PARD3: variants seen among roughly 807,000 people sequenced by gnomAD.
The protein encoded by PARD3 is partitioning defective 3 homolog.
In PARD3, 75 loss-of-function variants were observed where a neutral mutation model predicts 155.4. The observed-to-expected ratio is 0.48, with a 90% CI of 0.40 to 0.58. PARD3 has a LOEUF of 0.58. PARD3 is among the 20% of genes least tolerant of loss of function. The pLI is 0.00. For missense variants in PARD3, 1,642 were observed against 1,721.7 expected, an observed-to-expected ratio of 0.95 and a Z score of 0.82; for synonymous variants, 576 against 610.5, an observed-to-expected ratio of 0.94 and a Z score of 0.83.
intron 22 of PARD3, among the ~76,000 whole-genome samples, chr10:34,147,110 T>C (rs111454472): frequency 0.031 from 4,647 of 152,112 alleles, 216 homozygotes; most frequent in African/African-American, 0.1. Flanking sequence ...AAAAAAAACT[T>C]TTGAGATTTT....
chr10:34,196,218 A>T, intron 22 of PARD3, among the ~76,000 whole-genome samples: 1 of 152,198 alleles, frequency 6.6e-6, no homozygotes, highest in Non-Finnish European at 1.5e-5. Context: ...TGTGCTCTGC[A>T]GGGTTACGTG....
intron 2 of PARD3, among the ~76,000 whole-genome samples, chr10:34,621,172 T>G (rs1254178471): frequency 6.6e-6 from 1 of 152,156 alleles, no homozygotes; most frequent in Admixed American, 6.5e-5. Context: ...TTCCACTTTT[T>G]TTGTTGTTTG....
At chr10:34,746,254 C>A (rs1258261635) in intron 1 of PARD3, among the ~76,000 whole-genome samples, 1 of 151,464 alleles carries the variant, frequency 6.6e-6, no homozygotes, top group Non-Finnish European at 1.5e-5. Context: ...AACAGCCTGG[C>A]CAACAAAGTG....
chr10:34,627,251 C>T (rs1379368127), intron 2 of PARD3, among the ~76,000 whole-genome samples: 1 of 152,132 alleles, frequency 6.6e-6, no homozygotes, highest in East Asian at 1.9e-4. Context: ...CAGGCTTGAA[C>T]TCCTGAGCTC....
In PARD3 at chr10:34,124,624, G is replaced by A. The variant is rs558666001; in HGVS notation, c.3541-4884C>T. Among the ~76,000 whole-genome samples the A allele has an allele frequency of 1.6e-3, 245 of 152,232 alleles. 1 individual carries two copies. The highest frequency in any genetic ancestry group is 2.5e-3 in the Non-Finnish European group (171 of 68,020). On this transcript the variant is annotated intron_variant, in intron 23 of 24. Transcript: ENST00000374788. Reference sequence around the variant, plus strand: ...TGTAACTATTGACTGAACTCTTGTGGGTCTTGAATGTTGAAAAGCTTAATT... The same window carrying A: ...TGTAACTATTGACTGAACTCTTGTGAGTCTTGAATGTTGAAAAGCTTAATT...
chr10:34,219,495 CTGGTGATTTTCTATGCAA>C (rs1268924478), intron 22 of PARD3, among the ~76,000 whole-genome samples: 1 of 152,170 alleles, frequency 6.6e-6, no homozygotes, highest in Non-Finnish European at 1.5e-5. Context: ...CTTCATGCAC[CTGGTGATTTTCTATGCAA>C]TGGCGTAGTA....
At chr10:34,631,628 A>C (rs1045337652) in intron 2 of PARD3, among the ~76,000 whole-genome samples, 5 of 152,174 alleles carry the variant, frequency 3.3e-5, no homozygotes, top group Non-Finnish European at 5.9e-5. Context: ...TCAGGCAAAT[A>C]TATAATGTTC....
rs568720656 is a variant in PARD3, at chr10:34,758,056, C to T, written c.120+56820G>A. On this transcript the variant is annotated intron_variant, in intron 1 of 24. Coordinates refer to ENST00000374788, the MANE Select transcript of PARD3 (RefSeq NM_001184785.2). The stretch of plus-strand genomic sequence containing the variant: ...CATCTGTTCCTGACCCCTTTGCAAG[C>T]ACTCAAAGTATTCATTCTGTAATCC... 2.6e-5 allele frequency among the ~76,000 whole-genome samples: 4 copies of T among 152,340 alleles called. No homozygotes were observed. The South Asian group carries it at 8.3e-4, about 32-fold the overall frequency.
chr10:34,484,399 A>C (rs1411744543), intron 3 of PARD3, among the ~76,000 whole-genome samples: 1 of 151,828 alleles, frequency 6.6e-6, no homozygotes, highest in Non-Finnish European at 1.5e-5. Flanking sequence ...GAACTATACC[A>C]CTCCCTCTGT....
Position 34,318,797 on chromosome 10 carries a change from G to A in PARD3, c.2834-1459C>T, listed in dbSNP as rs934100959. 4.0e-5 allele frequency among the ~76,000 whole-genome samples: 6 copies of A among 151,732 alleles called. No homozygotes were observed. In the South Asian group the frequency reaches 8.3e-4, roughly 21 times the overall value. ...TTTTATTTTTTTGAGGCTGAGTCTC[G>A]CTCTGTCGCCCAGGCTGGAGTGCAG... On this transcript the variant is annotated intron_variant, in intron 19 of 24. Transcript: ENST00000374788.
At chr10:34,375,164 C>T (rs1841098626) in intron 10 of PARD3, among the ~76,000 whole-genome samples, 162 bp from the exon 11 acceptor site, 1 of 151,462 alleles carries the variant, frequency 6.6e-6, no homozygotes, top group Admixed American at 6.6e-5. Flanking sequence ...GATCTGGGAA[C>T]CACTAAGGTT....
chr10:34,704,731 T>G (rs187198011), intron 1 of PARD3, among the ~76,000 whole-genome samples: 90 of 152,348 alleles, frequency 5.9e-4, no homozygotes, highest in Non-Finnish European at 1.5e-5. Flanking sequence ...CATGTGCACA[T>G]GTCACATTGA....
At chr10:34,767,852 A>AG (rs1218926644) in intron 1 of PARD3, among the ~76,000 whole-genome samples, 1 of 151,772 alleles carries the variant, frequency 6.6e-6, no homozygotes, top group Non-Finnish European at 1.5e-5. Context: ...GCTACTTGGG[A>AG]GGCTGTGGTG....
chr10:34,322,057 ACT>A (rs1958415223), intron 19 of PARD3, among the ~76,000 whole-genome samples: 1 of 151,912 alleles, frequency 6.6e-6, no homozygotes. Context: ...TCCTAATAGA[ACT>A]CTGTGTCCAG....
intron 1 of PARD3, among the ~76,000 whole-genome samples, chr10:34,704,935 C>T (rs2094340750): frequency 1.3e-5 from 2 of 152,098 alleles, no homozygotes; most frequent in South Asian, 4.1e-4. Flanking sequence ...AAAAATGCCC[C>T]TCAGACTTCT....
intron 2 of PARD3, among the ~76,000 whole-genome samples, chr10:34,543,253 A>ATTTTTG (rs2083783984): frequency 6.6e-6 from 1 of 152,186 alleles, no homozygotes; most frequent in Non-Finnish European, 1.5e-5. Flanking sequence ...CCTGGGCGTC[A>ATTTTTG]GAGCAAAACC....
intron 3 of PARD3, among the ~76,000 whole-genome samples, chr10:34,476,686 C>A (rs2078727932): frequency 6.6e-6 from 1 of 152,132 alleles, no homozygotes; most frequent in African/African-American, 2.4e-5. Flanking sequence ...AACCAGTGAT[C>A]ATCCACCAAA....
chr10:34,607,428 A>T (rs192512753), intron 2 of PARD3, among the ~76,000 whole-genome samples: 1 of 152,358 alleles, frequency 6.6e-6, no homozygotes. Context: ...TAACAGCTAG[A>T]AGAGCCACTG....
At chr10:34,124,510 T>G (rs900354042) in intron 23 of PARD3, among the ~76,000 whole-genome samples, 2 of 152,312 alleles carry the variant, frequency 1.3e-5, no homozygotes, top group African/African-American at 2.4e-5. Flanking sequence ...AGTAGACTTA[T>G]GTACAACCTT....
Sources: gnomAD v4.1 joint callset for allele counts (sites outside exome capture counted in the v4.1 genomes callset) on GRCh38, gnomAD v4.1.1 for gene constraint, MANE v1.5 for transcripts, NCBI Gene and HGNC (gene_info 2026-07-23, HGNC 2026-07-21) for gene names.